AMZ1: variants seen among roughly 807,000 people sequenced by gnomAD.
The protein encoded by AMZ1 is archaemetzincin-1.
A neutral mutation model predicts 29.9 loss-of-function variants in AMZ1; 39 were observed. The ratio of observed to expected loss-of-function variants is 1.30; its 90% CI spans 1.01 to 1.70. The LOEUF (loss-of-function observed/expected upper bound fraction) is 1.70, where lower values mean the gene tolerates loss of function less well. Among genes scored for constraint, AMZ1 ranks in the 40% most tolerant of loss-of-function variants. The pLI, the probability that AMZ1 is intolerant of heterozygous loss-of-function variation, is 0.00. For missense variants in AMZ1, 1,041 were observed against 680.6 expected (o/e 1.53, Z -5.89); for synonymous variants, 458 against 304.0 (o/e 1.51, Z -5.27).
chr7:2,734,149 G>A (rs1452429002), intron 4 of AMZ1, among the ~76,000 whole-genome samples: 1 of 152,258 alleles, frequency 6.6e-6, no homozygotes, highest in Non-Finnish European at 1.5e-5. Flanking sequence ...TCCATAGTGC[G>A]AAGGGCCCTG....
rs375287908 is a variant in AMZ1, at chr7:2,718,444, T to G, written c.*5566T>G. Among the ~76,000 whole-genome samples, 49 of 152,344 alleles carry G rather than the reference T, an allele frequency of 3.2e-4. No individual in the cohort carries two copies. The highest frequency in any genetic ancestry group is 1.1e-3 in the African/African-American group (44 of 41,588). The stretch of plus-strand genomic sequence containing the variant: ...GCTTTGTGAGTCTGTCTCGTGGGCC[T>G]CCTTCAGTGGTCTGTGACCAGCGGG... On this transcript the variant is annotated 3_prime_UTR_variant, in exon 7 of 7. Transcript: ENST00000683327.
At chr7:2,720,953 A>G (rs1197696465), downstream of AMZ1, among the ~76,000 whole-genome samples, 2 of 152,208 alleles carry the variant, frequency 1.3e-5, no homozygotes, top group Non-Finnish European at 2.9e-5. Context: ...TGCCTGGATT[A>G]CAGGTGTGAG....
At chr7:2,734,537 A>G (rs907485843) in intron 4 of AMZ1, among the ~76,000 whole-genome samples, 2 of 152,230 alleles carry the variant, frequency 1.3e-5, no homozygotes, top group Admixed American at 6.5e-5. Flanking sequence ...AGAATGGACT[A>G]CGTGATGGCG....
At chr7:2,754,862 C>G (rs1235565761) in intron 4 of AMZ1, among the ~76,000 whole-genome samples, 1 of 152,220 alleles carries the variant, frequency 6.6e-6, no homozygotes, top group Non-Finnish European at 1.5e-5. Context: ...GAATTCTTCA[C>G]CAAGTTCTAG....
intron 4 of AMZ1, among the ~76,000 whole-genome samples, chr7:2,755,199 T>C (rs992125341): frequency 2.0e-5 from 3 of 151,984 alleles, no homozygotes; most frequent in Non-Finnish European, 4.4e-5. Flanking sequence ...TCAGGGAGAG[T>C]GGCCCCTCCC....
At chr7:2,709,331 C>G in intron 5 of AMZ1, 87 bp downstream of exon 5, 1 of 1,334,956 alleles carries the variant, frequency 7.5e-7, no homozygotes, top group South Asian at 1.6e-5. Flanking sequence ...CTGCCCCATC[C>G]TCACAGTGAA....
downstream of AMZ1, among the ~76,000 whole-genome samples, chr7:2,721,790 G>A (rs1033649776): frequency 1.3e-5 from 2 of 151,908 alleles, no homozygotes; most frequent in East Asian, 1.9e-4. Flanking sequence ...TGGCGGGGGA[G>A]GCAGGGACAT....
chr7:2,724,541 C>T (rs961959592), downstream of AMZ1, among the ~76,000 whole-genome samples: 5 of 152,170 alleles, frequency 3.3e-5, no homozygotes, highest in African/African-American at 1.2e-4. Flanking sequence ...TCTCTGCACC[C>T]TCCCACCCCA....
At position 2,700,606 on chromosome 7, in the gene AMZ1, G is replaced by A. The variant is rs1583159535; in HGVS notation, c.155G>A (p.Arg52Lys). The A allele has an allele frequency of 1.2e-6, 2 of 1,610,692 alleles. No individual in the cohort carries two copies. The highest frequency in any genetic ancestry group is 2.2e-5 in the East Asian group (1 of 44,880). Residue 52 changes from arginine (R) to lysine (K), a missense_variant, in exon 2 of 7, where the codon AGG becomes AAG. Coordinates refer to ENST00000683327, the MANE Select transcript of AMZ1 (RefSeq NM_001384743.1). ...LFLAEAYNPQRTLFCTLLIRT... is the reference protein window; with the variant it reads ...LFLAEAYNPQKTLFCTLLIRT... ...CTGGCCGAGGCCTACAACCCGCAGA[G>A]GACGCTCTTCTGCACCCTGCTCATC...
intron 4 of AMZ1, among the ~76,000 whole-genome samples, chr7:2,756,074 G>A (rs1331287457): frequency 6.6e-6 from 1 of 152,182 alleles, no homozygotes; most frequent in Non-Finnish European, 1.5e-5. Context: ...GAAAGTGACA[G>A]AGTTTATCAT....
At chr7:2,758,851 A>G (rs570412429) in intron 4 of AMZ1, among the ~76,000 whole-genome samples, 1 of 152,344 alleles carries the variant, frequency 6.6e-6, no homozygotes, top group Non-Finnish European at 1.5e-5. Flanking sequence ...ATGTATCAAC[A>G]TGATGGGTCT....
intron 1 of AMZ1, among the ~76,000 whole-genome samples, chr7:2,688,601 G>A (rs1401083163): frequency 2.0e-5 from 3 of 152,208 alleles, no homozygotes; most frequent in Non-Finnish European, 2.9e-5. Flanking sequence ...AGGGCGACCT[G>A]CGCGCTTCCC....
chr7:2,752,923 G>C (rs1420423845), intron 4 of AMZ1, among the ~76,000 whole-genome samples: 1 of 152,162 alleles, frequency 6.6e-6, no homozygotes, highest in Non-Finnish European at 1.5e-5. Context: ...CACCTGTCTA[G>C]ATTTGTGTAA....
chr7:2,735,661 T>A (rs1474467762), intron 4 of AMZ1, among the ~76,000 whole-genome samples: 1 of 152,232 alleles, frequency 6.6e-6, no homozygotes, highest in Admixed American at 6.5e-5. Context: ...GATGACTGAA[T>A]GAGGATGGCT....
At chr7:2,727,072 G>T (rs1789651073) in intron 4 of AMZ1, among the ~76,000 whole-genome samples, 1 of 152,124 alleles carries the variant, frequency 6.6e-6, no homozygotes, top group South Asian at 2.1e-4. Context: ...AAAGCCTCTG[G>T]AACACAACTT....
intron 4 of AMZ1, chr7:2,729,177 T>A (rs1211606703): frequency 6.6e-6 from 1 of 152,384 alleles, no homozygotes. Context: ...AGGACCCGCT[T>A]GCACTTCCTC....
At chr7:2,720,993 AT>A (rs1166803771), downstream of AMZ1, among the ~76,000 whole-genome samples, 1 of 152,186 alleles carries the variant, frequency 6.6e-6, no homozygotes, top group Non-Finnish European at 1.5e-5. Flanking sequence ...ATTTCTGTTT[AT>A]ACGAATGTCA....
intron 4 of AMZ1, among the ~76,000 whole-genome samples, chr7:2,740,815 CG>C (rs2115325994): frequency 6.6e-6 from 1 of 152,240 alleles, no homozygotes; most frequent in African/African-American, 2.4e-5. Flanking sequence ...GAGGCCGAGG[CG>C]GACGGATCAC....
intron 4 of AMZ1, among the ~76,000 whole-genome samples, chr7:2,724,947 G>A (rs577971678): frequency 5.9e-5 from 9 of 152,076 alleles, no homozygotes; most frequent in East Asian, 5.8e-4. Context: ...GTACCCCAGC[G>A]GGTGGTCTGC....
Sources: allele counts gnomAD v4.1 joint callset (sites outside exome capture counted in the v4.1 genomes callset), GRCh38; gene constraint gnomAD v4.1.1; transcripts MANE v1.5; gene names NCBI Gene and HGNC (gene_info 2026-07-23, HGNC 2026-07-21).